The following MICU3 variants were observed in gnomAD, a reference collection of about 807,000 sequenced individuals.
MICU3 encodes mitochondrial calcium uptake 3.
MICU3 carries 62 observed loss-of-function variants against 66.5 expected under a neutral mutation model. The observed-to-expected ratio is 0.93, with a 90% CI of 0.76 to 1.15. The LOEUF (loss-of-function observed/expected upper bound fraction) is 1.15. Ranked by LOEUF, MICU3 falls within the 50% of genes most tolerant of loss-of-function variation. The pLI is 0.00. For synonymous variants in MICU3, 308 were observed against 240.7 expected (o/e 1.28, Z -2.59); for missense variants, 779 against 664.4 (o/e 1.17, Z -1.90).
At chr8:17,097,922 A>C (rs1043794518) in intron 8 of MICU3, among the ~76,000 whole-genome samples, 1 of 151,816 alleles carries the variant, frequency 6.6e-6, no homozygotes, top group African/African-American at 2.4e-5. Context: ...AATCTCAAGT[A>C]GTTTTGAGTG....
chr8:17,123,097 G>A (rs527729727), downstream of MICU3, among the ~76,000 whole-genome samples: 173 of 152,120 alleles, frequency 1.1e-3, no homozygotes, highest in African/African-American at 4.0e-3. Context: ...TTCAGAAACT[G>A]TAATAAAAAT....
chr8:17,027,270 G>C lies in MICU3; in HGVS notation c.-10G>C. 1 of 1,423,330 alleles carries C rather than the reference G, an allele frequency of 7.0e-7. No individual in the cohort carries two copies. Among genetic ancestry groups the C allele is most frequent in the Non-Finnish European group, 9.1e-7 (1 of 1,097,124 alleles). The allele number at this position is 1,423,330 out of a possible 1,614,324, so 88.2% of individuals were successfully genotyped here. On this transcript the variant is annotated 5_prime_UTR_variant, in exon 1 of 15. Transcript: ENST00000318063. ...GCCCCCTCCCAGCTCTGGTGTGGGC[G>C]GCCTCCGCTATGGCTGCGCTGCGAA... is the stretch of plus-strand genomic sequence containing the variant.
chr8:17,058,046 C>T (rs900922007), intron 1 of MICU3, among the ~76,000 whole-genome samples: 1 of 152,104 alleles, frequency 6.6e-6, no homozygotes, highest in Non-Finnish European at 1.5e-5. Flanking sequence ...GATGGGGTTT[C>T]ACCATGTTGG....
At position 17,077,514 on chromosome 8, in the gene MICU3, T is replaced by G. The variant is rs547434981; in HGVS notation, c.568-269T>G. Among the ~76,000 whole-genome samples, 7 of 152,342 alleles carry G rather than the reference T, an allele frequency of 4.6e-5. No homozygotes were observed. In the East Asian group the frequency reaches 1.3e-3, roughly 29 times the overall value. On this transcript the variant is annotated intron_variant, in intron 3 of 14. Transcript: ENST00000318063. ...GTTTTATCTTGATTTGGTTGTCTTA[T>G]GTATAACCTCCCGTTATTCAACTTA...
intron 5 of MICU3, among the ~76,000 whole-genome samples, chr8:17,082,299 C>T (rs775929877): frequency 6.6e-6 from 1 of 152,068 alleles, no homozygotes; most frequent in Non-Finnish European, 1.5e-5. Flanking sequence ...GAATTGCCGC[C>T]TCAGGGATTT....
At chr8:17,055,751 C>T (rs1816819911) in intron 1 of MICU3, among the ~76,000 whole-genome samples, 1 of 152,184 alleles carries the variant, frequency 6.6e-6, no homozygotes, top group African/African-American at 2.4e-5. Context: ...AGCCCCTGTC[C>T]TAGTACGTTC....
chr8:17,070,426 A>G (rs1344028805), intron 3 of MICU3, among the ~76,000 whole-genome samples: 1 of 152,192 alleles, frequency 6.6e-6, no homozygotes, highest in Admixed American at 6.5e-5. Context: ...AGAAAGTGAA[A>G]TCATATTATT....
At chr8:17,050,852 C>T (rs1815949501) in intron 1 of MICU3, among the ~76,000 whole-genome samples, 1 of 151,970 alleles carries the variant, frequency 6.6e-6, no homozygotes, top group African/African-American at 2.4e-5. Flanking sequence ...TGCTCTTTTT[C>T]AATGGGGGGG....
At chr8:17,071,288 G>T (rs1819550616) in intron 3 of MICU3, among the ~76,000 whole-genome samples, 1 of 152,116 alleles carries the variant, frequency 6.6e-6, no homozygotes, top group East Asian at 1.9e-4. Context: ...GGTTCTGGGG[G>T]CTTGAAGTCT....
chr8:17,106,546 C>CTTTTTTTTTTTTT (rs36068857), intron 11 of MICU3, among the ~76,000 whole-genome samples: 1 of 136,784 alleles, frequency 7.3e-6, no homozygotes, highest in Non-Finnish European at 1.6e-5. Flanking sequence ...CTTGAATCTG[C>CTTTTTTTTTTTTT]TTTTTTTTTT....
the MICU3 span, among the ~76,000 whole-genome samples, chr8:17,137,189 C>T: frequency 0.3 from 45,479 of 151,830 alleles, 7,979 homozygotes; most frequent in Middle Eastern, 0.46. Flanking sequence ...TTGCAATATC[C>T]TTGGGGTTGC....
At chr8:17,108,187 A>G (rs1235246329) in intron 11 of MICU3, among the ~76,000 whole-genome samples, 2 of 152,190 alleles carry the variant, frequency 1.3e-5, no homozygotes, top group African/African-American at 4.8e-5. Flanking sequence ...TTAGGAGGGA[A>G]TCAAGAGTTT....
intron 1 of MICU3, among the ~76,000 whole-genome samples, chr8:17,045,633 A>G (rs920969106): frequency 6.6e-6 from 1 of 152,224 alleles, no homozygotes; most frequent in Non-Finnish European, 1.5e-5. Flanking sequence ...GGGAAGCTGC[A>G]TGCCCCTTTC....
At chr8:17,109,205 T>C (rs1801992291) in intron 11 of MICU3, among the ~76,000 whole-genome samples, 1 of 152,162 alleles carries the variant, frequency 6.6e-6, no homozygotes, top group African/African-American at 2.4e-5. Flanking sequence ...ATAATTTGCT[T>C]ATTTCCTAAC....
At position 17,077,851 on chromosome 8, in the gene MICU3, TAAAG is replaced by T. The variant is rs1412403076; in HGVS notation, c.640_643del (p.Glu214LysfsTer3). 1 of 1,609,264 alleles carries T rather than the reference TAAAG, an allele frequency of 6.2e-7. No homozygotes were observed. Among genetic ancestry groups the T allele is most frequent in the Non-Finnish European group, 8.5e-7 (1 of 1,176,452 alleles). ...GCTCATCGAAGCTATTTCGAAATCT[TAAAG>T]AAAAAGGTGAGTTAACCTTAGTACT... On this transcript the variant is annotated frameshift_variant, in exon 4 of 15. Transcript: ENST00000318063. LOFTEE classifies it high-confidence loss of function.
At chr8:17,073,072 G>C (rs781514035) in intron 3 of MICU3, among the ~76,000 whole-genome samples, 12 of 151,472 alleles carry the variant, frequency 7.9e-5, no homozygotes, top group Non-Finnish European at 1.2e-4. Flanking sequence ...TGCATTTTTA[G>C]TAGAGACAGG....
At chr8:17,113,680 G>A (rs1348742400) in intron 11 of MICU3, among the ~76,000 whole-genome samples, 1 of 152,044 alleles carries the variant, frequency 6.6e-6, no homozygotes, top group African/African-American at 2.4e-5. Context: ...TCCATTTGAG[G>A]AATACATGTG....
chr8:17,071,659 AAG>A (rs1315723336), intron 3 of MICU3, among the ~76,000 whole-genome samples: 1 of 152,208 alleles, frequency 6.6e-6, no homozygotes, highest in Non-Finnish European at 1.5e-5. Flanking sequence ...ATGTGATTGG[AAG>A]AAAAATGTAA....
intron 2 of MICU3, among the ~76,000 whole-genome samples, chr8:17,068,527 A>G (rs1819064579): frequency 6.6e-6 from 1 of 152,300 alleles, no homozygotes; most frequent in East Asian, 1.9e-4. Context: ...GTTAAAAGGG[A>G]AGTGTCTTTG....
Sources: allele counts gnomAD v4.1 joint callset (sites outside exome capture counted in the v4.1 genomes callset), GRCh38; gene constraint gnomAD v4.1.1; transcripts MANE v1.5; gene names NCBI Gene and HGNC (gene_info 2026-07-23, HGNC 2026-07-21).